The following CLPTM1L variants were observed in gnomAD, a reference collection of about 807,000 sequenced individuals.
The protein encoded by CLPTM1L is lipid scramblase CLPTM1L.
CLPTM1L carries 38 observed loss-of-function variants against 70.9 expected under a neutral mutation model. The ratio of observed to expected loss-of-function variants is 0.54; its 90% CI spans 0.41 to 0.70. CLPTM1L has a LOEUF of 0.70. Ranked by LOEUF, CLPTM1L falls within the 30% of genes least tolerant of loss-of-function variation. The pLI is 0.00. For missense variants in CLPTM1L, 652 were observed against 705.9 expected (o/e 0.92, Z 0.87); for synonymous variants, 339 against 299.9 (o/e 1.13, Z -1.35).
At chr5:1,327,857 A>G (rs375697926) in intron 9 of CLPTM1L, among the ~76,000 whole-genome samples, 38 of 136,014 alleles carry the variant, frequency 2.8e-4, no homozygotes, top group South Asian at 5.0e-4. Context: ...CTCCTCCTCT[A>G]CAGACACATT....
At chr5:1,344,245 A>G in intron 2 of CLPTM1L, 106 bp downstream of exon 2, 1 of 782,314 alleles carries the variant, frequency 1.3e-6, no homozygotes, top group South Asian at 1.5e-5. Flanking sequence ...ATTCGGTAAG[A>G]CTAGTTCTCT....
chr5:1,334,058 C>T (rs897880473), intron 7 of CLPTM1L, among the ~76,000 whole-genome samples: 1 of 152,176 alleles, frequency 6.6e-6, no homozygotes, highest in African/African-American at 2.4e-5. Flanking sequence ...GTCGCCAAGG[C>T]TGTGGACGGA....
chr5:1,326,518 C>G (rs1480950612), intron 9 of CLPTM1L: 2 of 256,144 alleles, frequency 7.8e-6, no homozygotes, highest in Non-Finnish European at 7.4e-6. Context: ...CATCCAGCTC[C>G]TCCTCTACCG....
intron 2 of CLPTM1L, among the ~76,000 whole-genome samples, chr5:1,343,061 G>C (rs1453074515): frequency 5.3e-5 from 8 of 152,174 alleles, no homozygotes; most frequent in Non-Finnish European, 1.0e-4. Context: ...CGTGGTGGCG[G>C]GTGCCTGTAG....
intron 7 of CLPTM1L, chr5:1,332,396 C>G (rs556208262): frequency 6.5e-6 from 1 of 154,996 alleles, no homozygotes; most frequent in African/African-American, 2.4e-5. Context: ...AAAACCTAAC[C>G]ATGCATGATC....
At chr5:1,324,010 C>T (rs1168762943) in intron 11 of CLPTM1L, 141 bp from the exon 12 acceptor site, 4 of 662,476 alleles carry the variant, frequency 6.0e-6, no homozygotes, top group South Asian at 1.7e-5. Flanking sequence ...CAGGGGGCGG[C>T]GTGAGGGGCA....
chr5:1,332,739 G>C (rs1176354944), intron 7 of CLPTM1L, among the ~76,000 whole-genome samples: 1 of 152,204 alleles, frequency 6.6e-6, no homozygotes, highest in Non-Finnish European at 1.5e-5. Context: ...GTCCTGTCCT[G>C]TTTCTGTTAC....
Position 1,334,452 on chromosome 5 carries a change from G to A in CLPTM1L, c.797-69C>T, listed in dbSNP as rs568556994. On this transcript the variant is annotated intron_variant, in intron 6 of 16. Transcript: ENST00000320895. ...AATCTTACCTAACATTACAAATACA[G>A]TTTTCAATATAAAAATTTAGGCCGG... 96 of 1,154,900 alleles carry A rather than the reference G, an allele frequency of 8.3e-5. No individual in the cohort carries two copies. The South Asian group carries it at 1.2e-3, about 14-fold the overall frequency. 71.5% of individuals were successfully genotyped at this position (1,154,900 alleles called of 1,614,324 possible).
chr5:1,331,627 C>T (rs958281410), intron 8 of CLPTM1L, 172 bp downstream of exon 8: 81 of 619,712 alleles, frequency 1.3e-4, no homozygotes, highest in Non-Finnish European at 1.9e-4. Flanking sequence ...CCACAATTGC[C>T]GCAACGGCTC....
rs1388890864 is a variant in CLPTM1L at position 1,318,347 on chromosome 5, C to T, written c.*22G>A. ...CATTGACAATTCAAGTTGCACTTGGCTGGCGGCAGCCCGGGCGGCCTTCAG... is the reference window on the plus strand; with the variant it reads ...CATTGACAATTCAAGTTGCACTTGGTTGGCGGCAGCCCGGGCGGCCTTCAG... On this transcript the variant is annotated 3_prime_UTR_variant, in exon 17 of 17. Transcript: ENST00000320895. The surrounding 1 kb of genome is among the most constrained non-coding windows in gnomAD (Gnocchi z 8.9). 3.1e-6 allele frequency: 5 copies of T among 1,603,830 alleles called. No individual in the cohort carries two copies. Among genetic ancestry groups the T allele is most frequent in the Middle Eastern group, 1.7e-4 (1 of 6,034 alleles).
chr5:1,330,215 A>G, intron 9 of CLPTM1L, 65 bp downstream of exon 9: 2 of 1,357,866 alleles, frequency 1.5e-6, no homozygotes, highest in South Asian at 1.2e-5. Context: ...CGGGGCTGAA[A>G]GCCTTTCCTG....
rs149458645 is a variant in CLPTM1L at position 1,338,068 on chromosome 5, C to G, written c.600-86G>C. ...ACACATCCAGACACTGGGTTTACCC[C>G]AGAGAAGTGCCCCCAGCACCACCCT... On this transcript the variant is annotated intron_variant, in intron 4 of 16. Transcript: ENST00000320895. The G allele has an allele frequency of 1.4e-3, 1,495 of 1,104,228 alleles. 17 individuals carry two copies. The African/African-American group carries it at 0.021, about 15-fold the overall frequency. The allele number at this position is 1,104,228 out of a possible 1,614,324, so 68.4% of individuals were successfully genotyped here. A position where few individuals can be genotyped will look rare whatever the true frequency, so the allele number is the denominator to read the frequency against.
chr5:1,318,462 A>G lies in CLPTM1L; in HGVS notation c.1533-9T>C. 1 of 1,612,578 alleles carries G rather than the reference A, an allele frequency of 6.2e-7. No individual in the cohort carries two copies. Among genetic ancestry groups the G allele is most frequent in the Non-Finnish European group, 8.5e-7 (1 of 1,179,012 alleles). ...TATCCACAGGATAAAGCCTGCAATGACACAAATGAGCACATCAGCAAACCC... is the reference window on the plus strand; with the variant it reads ...TATCCACAGGATAAAGCCTGCAATGGCACAAATGAGCACATCAGCAAACCC... On this transcript the variant is annotated splice_polypyrimidine_tract_variant and intron_variant, in intron 16 of 16. Coordinates refer to ENST00000320895, the MANE Select transcript of CLPTM1L (RefSeq NM_030782.5). The surrounding 1 kb of genome is among the most constrained non-coding windows in gnomAD (Gnocchi z 8.9).
chr5:1,344,512 C>A, intron 1 of CLPTM1L, 61 bp from the exon 2 acceptor site: 1 of 1,529,636 alleles, frequency 6.5e-7, no homozygotes, highest in Non-Finnish European at 9.0e-7. Flanking sequence ...GCACTCAAAT[C>A]CCACGGCCAG....
At chr5:1,330,092 T>C (rs1373002943) in intron 9 of CLPTM1L, among the ~76,000 whole-genome samples, 188 bp downstream of exon 9, 1 of 152,120 alleles carries the variant, frequency 6.6e-6, no homozygotes, top group Admixed American at 6.5e-5. Context: ...ACGCATTTCC[T>C]TGCTCTCCAC....
In CLPTM1L at chr5:1,331,784, G is replaced by A. The variant is rs1371567167; in HGVS notation, c.976+15C>T. 2.5e-6 allele frequency: 4 copies of A among 1,611,478 alleles called. No homozygotes were observed. The highest frequency in any genetic ancestry group is 1.7e-5 in the Admixed American group (1 of 60,018). ...GGGCAGAGTATCTGAGCAGGGCCAC[G>A]CTCGGGGGGCCTACCTGCCTTGGTG... On this transcript the variant is annotated intron_variant, in intron 8 of 16. Transcript: ENST00000320895.
At chr5:1,326,184 T>C (rs1470968627) in intron 9 of CLPTM1L, 4 of 281,244 alleles carry the variant, frequency 1.4e-5, no homozygotes, top group African/African-American at 6.5e-5. Flanking sequence ...CGCCACCTCA[T>C]GGCTAAATGC....
Position 1,337,925 on chromosome 5 carries a change from G to A in CLPTM1L, c.657C>T (p.Ser219=), listed in dbSNP as rs1560867925. 1.2e-6 allele frequency: 2 copies of A among 1,605,112 alleles called. No homozygotes were observed. The highest frequency in any genetic ancestry group is 1.7e-6 in the Non-Finnish European group (2 of 1,177,142). ...YLPILFIDQL[S]NRVKDLMVIN... is the part of the protein sequence containing the mutation. ...TCACCATCAGGTCCTTCACGCGGTTGCTGAGCTGGTCGATGAACAGGATGG... is the reference window on the plus strand; with the variant it reads ...TCACCATCAGGTCCTTCACGCGGTTACTGAGCTGGTCGATGAACAGGATGG... Residue 219 remains serine (S), a synonymous_variant, in exon 5 of 17, where the codon AGC becomes AGT. Coordinates refer to ENST00000320895, the MANE Select transcript of CLPTM1L (RefSeq NM_030782.5).
chr5:1,324,127 G>C (rs1752358648), intron 11 of CLPTM1L: 1 of 525,300 alleles, frequency 1.9e-6, no homozygotes, highest in Admixed American at 3.4e-5. Flanking sequence ...ATTCTGGTTG[G>C]TCAAAACCAA....
Sources: gnomAD v4.1 joint callset for allele counts (sites outside exome capture counted in the v4.1 genomes callset) on GRCh38, gnomAD v4.1.1 for gene constraint, Gnocchi (gnomAD v3.1) non-coding constraint, MANE v1.5 for transcripts, NCBI Gene and HGNC (gene_info 2026-07-23, HGNC 2026-07-21) for gene names.